The following PCBP3 variants were observed in gnomAD, a reference collection of about 807,000 sequenced individuals.
PCBP3 encodes the protein poly(rC) binding protein 3, also known as poly(rC)-binding protein 3.
Under a neutral mutation model 52.7 loss-of-function variants are expected in PCBP3, and 25 were observed. The ratio of observed to expected loss-of-function variants is 0.47; its 90% confidence interval spans 0.35 to 0.66. The LOEUF is 0.66. Ranked by LOEUF, PCBP3 falls within the 30% of genes least tolerant of loss-of-function variation. The pLI is 0.01. For synonymous variants in PCBP3, 162 were observed against 183.0 expected (o/e 0.89, Z 0.93); for missense variants, 391 against 490.3 (o/e 0.80, Z 1.91).
In PCBP3 at chr21:45,942,111, C is replaced by G. The variant is rs1341814900; in HGVS notation, c.*405C>G. Reference sequence around the variant, plus strand: ...CCAGAACTGTTGCCTGAGACCCCTCCTCTCTCACACAGCCCTGCCATGCTG... The same window carrying G: ...CCAGAACTGTTGCCTGAGACCCCTCGTCTCTCACACAGCCCTGCCATGCTG... On this transcript the variant is annotated 3_prime_UTR_variant, in exon 18 of 18. Transcript: ENST00000681687. The G allele has an allele frequency of 5.7e-6, 1 of 174,572 alleles. No homozygotes were observed. The highest frequency in any genetic ancestry group is 1.2e-5 in the Non-Finnish European group (1 of 83,320). 10.8% of individuals were successfully genotyped at this position (174,572 alleles called of 1,614,324 possible).
chr21:45,699,471 A>G (rs2838981), intron 2 of PCBP3, among the ~76,000 whole-genome samples: 26,545 of 152,182 alleles, frequency 0.17, 2,454 homozygotes, highest in Middle Eastern at 0.32. Context: ...GTGCCATCCA[A>G]TTTAGAGAAA....
Position 45,805,969 on chromosome 21 carries a change from T to A in PCBP3, c.-125-43992T>A, listed in dbSNP as rs2092484185. 6.6e-6 allele frequency among the ~76,000 whole-genome samples: 1 copy of A among 152,196 alleles called. No individual in the cohort carries two copies. The highest frequency in any genetic ancestry group is 1.5e-5 in the Non-Finnish European group (1 of 68,030). On this transcript the variant is annotated intron_variant, in intron 4 of 17. Transcript: ENST00000681687. The surrounding 1 kb of genome is among the most constrained non-coding windows in gnomAD (Gnocchi z 4.6). The stretch of plus-strand genomic sequence containing the variant: ...GTGAGGTTCCCATTGCATGAGAAGA[T>A]GGAGGAGCCTCCTTGTGCTGCTGTG...
In PCBP3 at chr21:45,817,964, C is replaced by T. The variant is rs1452295295; in HGVS notation, c.-125-31997C>T. Among the ~76,000 whole-genome samples, 1 of 152,166 alleles carries T rather than the reference C, an allele frequency of 6.6e-6. No individual in the cohort carries two copies. The highest frequency in any genetic ancestry group is 1.5e-5 in the Non-Finnish European group (1 of 68,032). On this transcript the variant is annotated intron_variant, in intron 4 of 17. Coordinates refer to ENST00000681687, the MANE Select transcript of PCBP3 (RefSeq NM_001384156.1). This position sits in a 1 kb window ranked among gnomAD's most constrained non-coding sequence, Gnocchi z 4.3. ...CACCTCCTCCCCTCATACAGAGCTTCTCCTGTTACGTACATCTTGCCTCAA... is the reference window on the plus strand; with the variant it reads ...CACCTCCTCCCCTCATACAGAGCTTTTCCTGTTACGTACATCTTGCCTCAA...
chr21:45,854,453 T>G (rs1348083157), intron 5 of PCBP3, among the ~76,000 whole-genome samples: 1 of 152,132 alleles, frequency 6.6e-6, no homozygotes, highest in African/African-American at 2.4e-5. Context: ...AGGATCCTAC[T>G]CTCTGTCTCT....
At chr21:45,915,984 G>A (rs2073338280) in intron 12 of PCBP3, 1 of 152,294 alleles carries the variant, frequency 6.6e-6, no homozygotes, top group Non-Finnish European at 1.5e-5. Context: ...GGAGAAATCA[G>A]GGACCTGGAA....
intron 5 of PCBP3, among the ~76,000 whole-genome samples, chr21:45,855,915 C>T (rs2094273864): frequency 6.6e-6 from 1 of 152,226 alleles, no homozygotes; most frequent in African/African-American, 2.4e-5. Flanking sequence ...GGGAGTCACA[C>T]CGTACAAACC....
rs141728749 is a variant in PCBP3, at chr21:45,913,924, C to G, written c.601-27C>G. 532 of 1,591,918 alleles carry G rather than the reference C, an allele frequency of 3.3e-4. 2 individuals carry two copies. In the African/African-American group the frequency reaches 4.9e-3, roughly 15 times the overall value. ...GGCTGCGAAGCTGCTCTAACGCTCTCTCTCCCTCTCCTGTCCCTTTTCCTA... is the reference window on the plus strand; with the variant it reads ...GGCTGCGAAGCTGCTCTAACGCTCTGTCTCCCTCTCCTGTCCCTTTTCCTA... On this transcript the variant is annotated intron_variant, in intron 11 of 17. Transcript: ENST00000681687.
intron 4 of PCBP3, among the ~76,000 whole-genome samples, chr21:45,844,761 C>T (rs1169789984): frequency 6.6e-6 from 1 of 151,876 alleles, no homozygotes; most frequent in African/African-American, 2.4e-5. Flanking sequence ...TTCTTTCTTC[C>T]TCTCCAGGCA....
rs1036176476 is a variant in PCBP3 at position 45,853,989 on chromosome 21, G to C, written c.10+3894G>C. 6.6e-6 allele frequency: 1 copy of C among 151,958 alleles called. No individual in the cohort carries two copies. The highest frequency in any genetic ancestry group is 2.4e-5 in the African/African-American group (1 of 41,324). 9.4% of individuals were successfully genotyped at this position (151,958 alleles called of 1,614,324 possible). ...CAGCCTCTGTGCACGAGGCTAGGAAGAGAAGAGATTTCCAAAAAGGTAAGA... is the reference window on the plus strand; with the variant it reads ...CAGCCTCTGTGCACGAGGCTAGGAACAGAAGAGATTTCCAAAAAGGTAAGA... On this transcript the variant is annotated intron_variant, in intron 5 of 17. Coordinates refer to ENST00000681687, the MANE Select transcript of PCBP3 (RefSeq NM_001384156.1). This position sits in a 1 kb window ranked among gnomAD's most constrained non-coding sequence, Gnocchi z 4.6.
intron 1 of PCBP3, among the ~76,000 whole-genome samples, chr21:45,652,068 T>C (rs143719231): frequency 4.5e-4 from 69 of 152,366 alleles, no homozygotes; most frequent in Non-Finnish European, 5.9e-4. Context: ...TCTTTGTAAA[T>C]CCTTTTCTAC....
intron 4 of PCBP3, among the ~76,000 whole-genome samples, chr21:45,803,984 G>A (rs565653153): frequency 1.6e-4 from 24 of 152,202 alleles, no homozygotes; most frequent in African/African-American, 5.8e-4. Flanking sequence ...CCTTGGGGGC[G>A]TCCTGGCACT....
intron 2 of PCBP3, among the ~76,000 whole-genome samples, chr21:45,715,038 A>G (rs1296466572): frequency 1.3e-5 from 2 of 152,222 alleles, no homozygotes; most frequent in Non-Finnish European, 2.9e-5. Flanking sequence ...ATTAAAATGA[A>G]TGAATTAAAT....
chr21:45,840,456 CAA>C (rs36059363), intron 4 of PCBP3, among the ~76,000 whole-genome samples: 137 of 87,946 alleles, frequency 1.6e-3, no homozygotes, highest in East Asian at 5.4e-3. Context: ...GACCCTGTCT[CAA>C]AAAAAAAAAA....
chr21:45,817,343 G>A lies in PCBP3; in HGVS notation c.-125-32618G>A, dbSNP rs2092996045. Among the ~76,000 whole-genome samples the A allele has an allele frequency of 6.6e-6, 1 of 152,204 alleles. No homozygotes were observed. The highest frequency in any genetic ancestry group is 1.5e-5 in the Non-Finnish European group (1 of 68,030). ...CAGTCCCCGCCTCGTGGTACCACATGACATTTAGCGTGTCTGTTCACCTCA... is the reference window on the plus strand; with the variant it reads ...CAGTCCCCGCCTCGTGGTACCACATAACATTTAGCGTGTCTGTTCACCTCA... On this transcript the variant is annotated intron_variant, in intron 4 of 17. Transcript: ENST00000681687. This position sits in a 1 kb window ranked among gnomAD's most constrained non-coding sequence, Gnocchi z 4.3.
At chr21:45,657,436 T>C (rs2146973578) in intron 1 of PCBP3, among the ~76,000 whole-genome samples, 1 of 152,336 alleles carries the variant, frequency 6.6e-6, no homozygotes, top group Non-Finnish European at 1.5e-5. Flanking sequence ...CCTTAGCACT[T>C]CTGTCAAAAC....
chr21:45,692,062 A>G (rs540553232), intron 2 of PCBP3, among the ~76,000 whole-genome samples: 2 of 152,174 alleles, frequency 1.3e-5, no homozygotes, highest in African/African-American at 4.8e-5. Context: ...TTTTGAATCC[A>G]TAGTATGTGG....
intron 1 of PCBP3, among the ~76,000 whole-genome samples, chr21:45,653,760 T>G (rs926011245): frequency 1.3e-5 from 2 of 152,208 alleles, no homozygotes; most frequent in Non-Finnish European, 1.5e-5. Flanking sequence ...TTTACGATTC[T>G]ATTATGTATT....
intron 1 of PCBP3, among the ~76,000 whole-genome samples, chr21:45,647,830 C>T (rs2183601): frequency 0.19 from 28,731 of 152,032 alleles, 2,902 homozygotes; most frequent in Middle Eastern, 0.33. Context: ...TGTTATGTTA[C>T]ATGGCAGGGG....
intron 1 of PCBP3, among the ~76,000 whole-genome samples, chr21:45,657,445 A>T (rs1190492100): frequency 6.6e-6 from 1 of 152,022 alleles, no homozygotes; most frequent in Non-Finnish European, 1.5e-5. Flanking sequence ...TTCTGTCAAA[A>T]CTCAGTTGAC....
Sources: allele counts gnomAD v4.1 joint callset (sites outside exome capture counted in the v4.1 genomes callset), GRCh38; gene constraint gnomAD v4.1.1; non-coding constraint Gnocchi (gnomAD v3.1); transcripts MANE v1.5; gene names NCBI Gene and HGNC (gene_info 2026-07-23, HGNC 2026-07-21).